Variants in NR2C2 observed in about 807,000 individuals in gnomAD.
NR2C2 encodes the protein Nuclear hormone receptor TR4.
In NR2C2, 6 loss-of-function variants were observed where a neutral mutation model predicts 62.9. The ratio of observed to expected loss-of-function variants is 0.10; its 90% confidence interval spans 0.05 to 0.19. The LOEUF (loss-of-function observed/expected upper bound fraction) is 0.19, where lower values mean the gene tolerates loss of function less well. Among genes scored for constraint, NR2C2 ranks in the 10% least tolerant of loss-of-function variants. The pLI, the probability that NR2C2 is intolerant of heterozygous loss-of-function variation, is 1.00. For missense variants in NR2C2, 479 were observed against 762.7 expected (o/e 0.63, Z 4.38); for synonymous variants, 272 against 273.8 (o/e 0.99, Z 0.07).
intron 1 of NR2C2, among the ~76,000 whole-genome samples, chr3:14,972,741 A>T (rs2040081580): frequency 6.6e-6 from 1 of 152,196 alleles, no homozygotes; most frequent in Non-Finnish European, 1.5e-5. Flanking sequence ...GCACGGCAGC[A>T]TCTGCTTCTG....
chr3:14,986,725 T>C (rs1026050150), intron 1 of NR2C2, among the ~76,000 whole-genome samples: 9 of 152,324 alleles, frequency 5.9e-5, no homozygotes, highest in Middle Eastern at 3.4e-3. Context: ...AATGAAAGCA[T>C]TTTGTCTACC....
At chr3:14,966,971 C>T (rs1258927966) in intron 1 of NR2C2, among the ~76,000 whole-genome samples, 4 of 152,142 alleles carry the variant, frequency 2.6e-5, no homozygotes, top group East Asian at 1.9e-4. Flanking sequence ...GTAGAATTAG[C>T]GGAGAAGCCA....
At chr3:15,003,732 T>A in intron 1 of NR2C2, 144 bp from the exon 2 acceptor site, 1 of 548,124 alleles carries the variant, frequency 1.8e-6, no homozygotes, top group Non-Finnish European at 3.2e-6. Flanking sequence ...TTGATTGCTT[T>A]GTCATCATCC....
intron 1 of NR2C2, among the ~76,000 whole-genome samples, chr3:14,965,343 A>T (rs1027184252): frequency 6.6e-6 from 1 of 151,888 alleles, no homozygotes; most frequent in Non-Finnish European, 1.5e-5. Flanking sequence ...TTTTCTTTCT[A>T]TATCACAAGT....
intron 1 of NR2C2, chr3:14,948,250 C>G (rs183982092): frequency 6.6e-6 from 1 of 152,666 alleles, no homozygotes; most frequent in Non-Finnish European, 1.5e-5. Flanking sequence ...CTCCCTTCCT[C>G]CTTATCCTCC....
intron 1 of NR2C2, among the ~76,000 whole-genome samples, chr3:14,972,915 G>A (rs2040088408): frequency 6.6e-6 from 1 of 152,050 alleles, no homozygotes; most frequent in Non-Finnish European, 1.5e-5. Flanking sequence ...CCAAGAGGAC[G>A]GTCTTAAACC....
In NR2C2 at chr3:15,016,101, A is replaced by C. The variant is rs541122937; in HGVS notation, c.274-51A>C. 6.4e-6 allele frequency: 9 copies of C among 1,404,798 alleles called. No homozygotes were observed. The African/African-American group carries it at 9.9e-5, about 15-fold the overall frequency. 87.0% of individuals were successfully genotyped at this position (1,404,798 alleles called of 1,614,324 possible). ...ATAGACGTGAGCCACCGTGCCCGGC[A>C]GTGATTTGATTTTTAATTGGCACCC... On this transcript the variant is annotated intron_variant, in intron 3 of 13. Transcript: ENST00000425241.
Position 15,023,315 on chromosome 3 carries a change from T to A in NR2C2, c.672T>A (p.Thr224=), listed in dbSNP as rs2230441. Residue 224 remains threonine (T), a synonymous_variant, in exon 6 of 14, where the codon ACT becomes ACA. Coordinates refer to ENST00000425241, the MANE Select transcript of NR2C2 (RefSeq NM_001291694.2). ...RKDLRSPLIA[T]PTFVADKDGA... The stretch of plus-strand genomic sequence containing the variant: ...ACCTGAGAAGTCCCCTGATAGCTAC[T>A]CCCACGTTTGTGGCAGACAAAGATG... 4,263 of 1,614,178 alleles carry A rather than the reference T, an allele frequency of 2.6e-3. 96 individuals are homozygous for A. The African/African-American group carries it at 0.05, about 19-fold the overall frequency.
intron 1 of NR2C2, among the ~76,000 whole-genome samples, chr3:15,001,576 C>T (rs981191225): frequency 6.6e-6 from 1 of 151,612 alleles, no homozygotes; most frequent in Non-Finnish European, 1.5e-5. Context: ...CTCAGGTAAT[C>T]CGCCTGCCTT....
chr3:14,993,130 TGCTGTGCTGA>T (rs2040715697), intron 1 of NR2C2, among the ~76,000 whole-genome samples: 3 of 152,152 alleles, frequency 2.0e-5, no homozygotes, highest in Admixed American at 1.3e-4. Flanking sequence ...GACTTTTTAT[TGCTGTGCTGA>T]TGAGTCTCAA....
chr3:15,000,545 T>C (rs572693325), intron 1 of NR2C2, among the ~76,000 whole-genome samples: 2 of 152,202 alleles, frequency 1.3e-5, no homozygotes, highest in Non-Finnish European at 2.9e-5. Context: ...GAAGTGTGAT[T>C]GCTGGATTCC....
chr3:15,019,283 G>A (rs7647935), intron 4 of NR2C2, among the ~76,000 whole-genome samples: 2,070 of 152,122 alleles, frequency 0.014, 51 homozygotes, highest in African/African-American at 0.047. Flanking sequence ...TGCTAGGGAG[G>A]ATGTGGAGAA....
At chr3:14,982,389 A>C (rs2040395806) in intron 1 of NR2C2, among the ~76,000 whole-genome samples, 1 of 152,218 alleles carries the variant, frequency 6.6e-6, no homozygotes, top group African/African-American at 2.4e-5. Flanking sequence ...AAACCTGCTG[A>C]CTGCTGACTT....
At chr3:14,995,352 G>A (rs1175703100) in intron 1 of NR2C2, among the ~76,000 whole-genome samples, 2 of 143,596 alleles carry the variant, frequency 1.4e-5, no homozygotes, top group East Asian at 4.0e-4. Flanking sequence ...ACACTCCTTA[G>A]CTCTCACCCC....
intron 2 of NR2C2, among the ~76,000 whole-genome samples, chr3:15,011,956 T>G (rs1158915698): frequency 6.6e-6 from 1 of 152,198 alleles, no homozygotes; most frequent in African/African-American, 2.4e-5. Context: ...CACTGACTGA[T>G]ATTATTTATT....
At chr3:14,965,259 A>G (rs2039806045) in intron 1 of NR2C2, among the ~76,000 whole-genome samples, 2 of 152,228 alleles carry the variant, frequency 1.3e-5, no homozygotes, top group Non-Finnish European at 1.5e-5. Context: ...TTTTTCAAAT[A>G]TCTGTGTTTC....
intron 4 of NR2C2, among the ~76,000 whole-genome samples, chr3:15,019,291 GA>G (rs772844651): frequency 3.9e-5 from 6 of 152,052 alleles, no homozygotes; most frequent in Non-Finnish European, 7.4e-5. Context: ...AGGATGTGGA[GA>G]AAAGGGAACA....
chr3:14,951,316 A>G (rs1345703204), intron 1 of NR2C2, among the ~76,000 whole-genome samples: 1 of 152,214 alleles, frequency 6.6e-6, no homozygotes, highest in Non-Finnish European at 1.5e-5. Flanking sequence ...ATTATTGAAA[A>G]TCACCTTTTA....
chr3:14,980,741 G>A (rs1002911183), intron 1 of NR2C2, among the ~76,000 whole-genome samples: 2 of 152,318 alleles, frequency 1.3e-5, no homozygotes, highest in East Asian at 1.9e-4. Context: ...GGCAGGGGTT[G>A]TGAAGAAAGG....
Sources: gnomAD v4.1 joint callset for allele counts (sites outside exome capture counted in the v4.1 genomes callset) on GRCh38, gnomAD v4.1.1 for gene constraint, MANE v1.5 for transcripts, NCBI Gene and HGNC (gene_info 2026-07-23, HGNC 2026-07-21) for gene names.